Variants in WWOX observed in about 807,000 individuals in gnomAD.
WWOX encodes the protein WW domain containing oxidoreductase.
Under a neutral mutation model 46.2 loss-of-function variants are expected in WWOX, and 69 were observed. That is an observed-to-expected ratio of 1.49 (90% CI 1.23 to 1.82). WWOX has a LOEUF of 1.82. WWOX is among the 40% of genes most tolerant of loss of function. The pLI, the probability that WWOX is intolerant of heterozygous loss-of-function variation, is 0.00. For synonymous variants in WWOX, 359 were observed against 202.6 expected (o/e 1.77, Z -6.56); for missense variants, 919 against 542.6 (o/e 1.69, Z -6.89).
chr16:79,161,071 C>T (rs997501683), intron 8 of WWOX, among the ~76,000 whole-genome samples: 6 of 152,282 alleles, frequency 3.9e-5, no homozygotes, highest in Middle Eastern at 3.4e-3. Flanking sequence ...ATCACTTTTC[C>T]GCACAAACAC....
chr16:78,993,756 C>G lies in WWOX; in HGVS notation c.1057-217852C>G, dbSNP rs574362800. 5.3e-5 allele frequency among the ~76,000 whole-genome samples: 8 copies of G among 152,314 alleles called. No homozygotes were observed. The South Asian group carries it at 1.7e-3, about 32-fold the overall frequency. ...GCTAATATTTATATAACACACTCGC[C>G]AGACTCCATGGCCTGAGTCCGGGGG... is the stretch of plus-strand genomic sequence containing the variant. On this transcript the variant is annotated intron_variant, in intron 8 of 8. Transcript: ENST00000566780.
chr16:79,093,280 T>C (rs2049001864), intron 8 of WWOX, among the ~76,000 whole-genome samples: 2 of 152,190 alleles, frequency 1.3e-5, no homozygotes, highest in African/African-American at 2.4e-5. Flanking sequence ...ACAGAAACAC[T>C]AAATACCTGT....
chr16:79,134,396 G>C (rs1480407016), intron 8 of WWOX, among the ~76,000 whole-genome samples: 1 of 152,096 alleles, frequency 6.6e-6, no homozygotes, highest in Non-Finnish European at 1.5e-5. Flanking sequence ...GCATGGAAGG[G>C]GCTGTCTGCA....
At chr16:78,739,930 G>A (rs1042464466) in intron 8 of WWOX, among the ~76,000 whole-genome samples, 1 of 152,136 alleles carries the variant, frequency 6.6e-6, no homozygotes, top group East Asian at 1.9e-4. Context: ...TTGCTAGGAT[G>A]CATATACACA....
intron 8 of WWOX, among the ~76,000 whole-genome samples, chr16:79,200,653 C>T (rs891758496): frequency 6.6e-6 from 1 of 151,976 alleles, no homozygotes; most frequent in Admixed American, 6.6e-5. Flanking sequence ...TTGGCCATTA[C>T]AGTTGGGATT....
chr16:79,022,769 C>G (rs1339757261), intron 8 of WWOX, among the ~76,000 whole-genome samples: 1 of 152,190 alleles, frequency 6.6e-6, no homozygotes, highest in Non-Finnish European at 1.5e-5. Context: ...TGAGGTGGCA[C>G]ATGTCAGCGG....
At chr16:78,845,163 G>T (rs1371262785) in intron 8 of WWOX, among the ~76,000 whole-genome samples, 4 of 133,774 alleles carry the variant, frequency 3.0e-5, no homozygotes, top group African/African-American at 5.6e-5. Context: ...AAATACCAAA[G>T]TACTTCTATG....
chr16:79,009,222 T>C (rs2047254300), intron 8 of WWOX, among the ~76,000 whole-genome samples: 1 of 152,222 alleles, frequency 6.6e-6, no homozygotes, highest in Admixed American at 6.5e-5. Context: ...TGAATGCCAG[T>C]TCACTTGAGT....
At chr16:79,063,786 G>A (rs781409155) in intron 8 of WWOX, among the ~76,000 whole-genome samples, 3 of 152,130 alleles carry the variant, frequency 2.0e-5, no homozygotes, top group Non-Finnish European at 2.9e-5. Context: ...TGAAAATAGA[G>A]CAAACATCCA....
intron 8 of WWOX, among the ~76,000 whole-genome samples, chr16:78,878,914 A>G (rs72804713): frequency 3.5e-4 from 51 of 145,854 alleles, no homozygotes; most frequent in Non-Finnish European, 4.8e-4. Context: ...AAAAAAAAAA[A>G]AAAAAAGCCT....
At chr16:78,704,061 C>G (rs779826187) in intron 8 of WWOX, among the ~76,000 whole-genome samples, 1 of 152,066 alleles carries the variant, frequency 6.6e-6, no homozygotes, top group Admixed American at 6.5e-5. Context: ...ATTCTTAAAT[C>G]TCCCAGCCAT....
rs187744732 is a variant in WWOX at position 78,317,706 on chromosome 16, G to C, written c.517-69154G>C. On this transcript the variant is annotated intron_variant, in intron 5 of 8. Transcript: ENST00000566780. ...TGTTGACTCTGTCCAGAGAGTAAGC[G>C]ACTCAGCAGGTGTGCCTCCCCATGG... 1.2e-4 allele frequency among the ~76,000 whole-genome samples: 18 copies of C among 152,206 alleles called. No individual in the cohort carries two copies. The East Asian group carries it at 3.3e-3, about 28-fold the overall frequency.
At chr16:78,989,828 G>T (rs12924571) in intron 8 of WWOX, among the ~76,000 whole-genome samples, 38 of 40,742 alleles carry the variant, frequency 9.3e-4, no homozygotes, top group South Asian at 1.6e-3. Flanking sequence ...GAGCGTGTGT[G>T]TGTGTGTGTG....
At chr16:78,285,703 A>G (rs1430903675) in intron 5 of WWOX, among the ~76,000 whole-genome samples, 2 of 152,168 alleles carry the variant, frequency 1.3e-5, no homozygotes, top group Admixed American at 6.5e-5. Flanking sequence ...GGATCTTAAA[A>G]CAGTAATCGG....
rs1033209403 is a variant in WWOX, at chr16:79,212,354, C to A, written c.*558C>A. ...CCAGCCAGTGAGGATGACAGTGACA[C>A]CCAGAGGGAGTAGAATACGCAGAAC... On this transcript the variant is annotated 3_prime_UTR_variant, in exon 9 of 9. Transcript: ENST00000566780. 1.7e-6 allele frequency: 1 copy of A among 600,462 alleles called. No homozygotes were observed. Among genetic ancestry groups the A allele is most frequent in the Non-Finnish European group, 2.8e-6 (1 of 360,178 alleles). 37.2% of individuals were successfully genotyped at this position (600,462 alleles called of 1,614,324 possible).
intron 8 of WWOX, among the ~76,000 whole-genome samples, chr16:79,036,613 C>A (rs538256720): frequency 6.6e-6 from 1 of 152,184 alleles, no homozygotes; most frequent in African/African-American, 2.4e-5. Context: ...CTATGAAAGG[C>A]TTACCAACTC....
chr16:78,988,051 G>A (rs899467985), intron 8 of WWOX, among the ~76,000 whole-genome samples: 1 of 151,982 alleles, frequency 6.6e-6, no homozygotes, highest in African/African-American at 2.4e-5. Context: ...ATAAAAGAGA[G>A]CGAATTTCTG....
Position 79,011,135 on chromosome 16 carries a change from C to CCACACA in WWOX, c.1057-200439_1057-200434dup, listed in dbSNP as rs10611855. On this transcript the variant is annotated intron_variant, in intron 8 of 8. Coordinates refer to ENST00000566780, the MANE Select transcript of WWOX (RefSeq NM_016373.4). ...GTTACATATCTACTCACTCACACATCCACACACACACACACACACACACAC... is the reference window on the plus strand; with the variant it reads ...GTTACATATCTACTCACTCACACATCCACACACACACACACACACACACACACACAC... 5.3e-3 allele frequency among the ~76,000 whole-genome samples: 771 copies of CCACACA among 146,294 alleles called. 6 individuals are homozygous for CCACACA. Among genetic ancestry groups the CCACACA allele is most frequent in the Middle Eastern group, 0.011 (3 of 282 alleles).
intron 8 of WWOX, among the ~76,000 whole-genome samples, chr16:78,589,948 G>T (rs1263635491): frequency 6.6e-6 from 1 of 152,158 alleles, no homozygotes; most frequent in African/African-American, 2.4e-5. Context: ...AACATTTCAT[G>T]ATTAGTGACA....
Sources: gnomAD v4.1 joint callset for allele counts (sites outside exome capture counted in the v4.1 genomes callset) on GRCh38, gnomAD v4.1.1 for gene constraint, MANE v1.5 for transcripts, NCBI Gene and HGNC (gene_info 2026-07-23, HGNC 2026-07-21) for gene names.